Variants in NPAT observed in about 807,000 individuals in gnomAD.
NPAT encodes nuclear protein, coactivator of histone transcription.
A neutral mutation model predicts 130.7 loss-of-function variants in NPAT; 52 were observed. That is an observed-to-expected ratio of 0.40 (90% CI 0.32 to 0.50). The LOEUF is 0.50. NPAT is among the 20% of genes least tolerant of loss of function. NPAT has a pLI of 0.68. For missense variants in NPAT, 1,687 were observed against 1,662.6 expected (o/e 1.01, Z -0.26); for synonymous variants, 580 against 584.8 (o/e 0.99, Z 0.12).
rs190984734 is a variant in NPAT, at chr11:108,216,827, C to A, written c.37+5673G>T. ...ATTATCTTCTGCTCTTAACAACATG[C>A]CCCAACTTTGGCAATCTTGAGTTCT... On this transcript the variant is annotated intron_variant, in intron 1 of 17. Coordinates refer to ENST00000278612, the MANE Select transcript of NPAT (RefSeq NM_002519.3). 1.8e-3 allele frequency among the ~76,000 whole-genome samples: 271 copies of A among 152,200 alleles called. 2 individuals carry two copies. Among genetic ancestry groups the A allele is most frequent in the African/African-American group, 6.3e-3 (261 of 41,534 alleles).
At position 108,161,859 on chromosome 11, in the gene NPAT, G is replaced by A. The variant is rs574403547; in HGVS notation, c.3227C>T (p.Thr1076Met). The A allele has an allele frequency of 8.7e-6, 14 of 1,614,056 alleles. No homozygotes were observed. Among genetic ancestry groups the A allele is most frequent in the South Asian group, 4.4e-5 (4 of 91,074 alleles). ...CACCATCTTATGGTTTGGCCCCTGC[G>A]TATTTGCCACAGGAGCAGTAGTGCT... ...FDSTTAPVAN[T>M]QGPNHKMVSQ... Residue 1076 changes from threonine to methionine, a missense_variant, in exon 17 of 18, where the codon ACG becomes ATG. Thr to Met is a moderately conservative substitution (Grantham distance 81, BLOSUM62 -1). This residue lies in a region of NPAT where 1,379 missense variants were observed against 1,346.6 expected (regional missense o/e 1.02). Coordinates refer to ENST00000278612, the MANE Select transcript of NPAT (RefSeq NM_002519.3).
intron 2 of NPAT, among the ~76,000 whole-genome samples, chr11:108,194,937 T>C (rs1014665475): frequency 1.8e-4 from 27 of 152,022 alleles, no homozygotes; most frequent in African/African-American, 6.3e-4. Flanking sequence ...GATTCTCCTG[T>C]CTCAGCCTCC....
chr11:108,169,147 G>A (rs2134830093), intron 15 of NPAT, among the ~76,000 whole-genome samples: 1 of 152,192 alleles, frequency 6.6e-6, no homozygotes, highest in East Asian at 1.9e-4. Context: ...AAGAAGGAGA[G>A]GAAAATGTGT....
chr11:108,208,139 A>G (rs965477919), intron 1 of NPAT, among the ~76,000 whole-genome samples: 5 of 152,210 alleles, frequency 3.3e-5, no homozygotes, highest in Admixed American at 6.5e-5. Context: ...TAATCTGAAA[A>G]TCTGAAATGC....
rs2078108876 is a variant in NPAT, at chr11:108,186,464, T to C, written c.726+18A>G. 6.2e-7 allele frequency: 1 copy of C among 1,601,830 alleles called. No individual in the cohort carries two copies. Among genetic ancestry groups the C allele is most frequent in the African/African-American group, 1.3e-5 (1 of 74,680 alleles). On this transcript the variant is annotated intron_variant, in intron 8 of 17. Coordinates refer to ENST00000278612, the MANE Select transcript of NPAT (RefSeq NM_002519.3). The stretch of plus-strand genomic sequence containing the variant: ...CTCAGGAATATTTTAAGTTGCAAAG[T>C]TTGGCAGAGTCACTTACTTTTTCTA...
At chr11:108,167,089 T>C (rs1015250435) in intron 15 of NPAT, among the ~76,000 whole-genome samples, 1 of 152,228 alleles carries the variant, frequency 6.6e-6, no homozygotes, top group African/African-American at 2.4e-5. Context: ...TAATTAACCA[T>C]ACCTGGCAAC....
At chr11:108,165,470 A>T (rs56789301) in intron 15 of NPAT, among the ~76,000 whole-genome samples, 14,348 of 117,500 alleles carry the variant, frequency 0.12, 929 homozygotes, top group African/African-American at 0.21. Flanking sequence ...ATATATATAT[A>T]TATTTTTTTT....
chr11:108,172,185 G>T lies in NPAT; in HGVS notation c.2785+14C>A. 6.2e-7 allele frequency: 1 copy of T among 1,609,306 alleles called. No individual in the cohort carries two copies. The highest frequency in any genetic ancestry group is 8.5e-7 in the Non-Finnish European group (1 of 1,175,634). ...ACCCAGAGAAACAAATTTCAATTAT[G>T]TTATTAAAGTTACCTTGTGAAAAGT... is the stretch of plus-strand genomic sequence containing the variant. On this transcript the variant is annotated intron_variant, in intron 13 of 17. Transcript: ENST00000278612.
At chr11:108,213,839 T>C (rs2078407616) in intron 1 of NPAT, among the ~76,000 whole-genome samples, 1 of 152,134 alleles carries the variant, frequency 6.6e-6, no homozygotes, top group Non-Finnish European at 1.5e-5. Flanking sequence ...ATCCAGACCT[T>C]TCTTATTTAT....
At chr11:108,205,969 G>A (rs900732520) in intron 1 of NPAT, among the ~76,000 whole-genome samples, 6 of 152,144 alleles carry the variant, frequency 3.9e-5, no homozygotes, top group African/African-American at 1.2e-4. Flanking sequence ...CTCTTGAACT[G>A]GGGAGGCAGA....
At chr11:108,210,370 T>C (rs2078373054) in intron 1 of NPAT, among the ~76,000 whole-genome samples, 1 of 152,134 alleles carries the variant, frequency 6.6e-6, no homozygotes, top group Non-Finnish European at 1.5e-5. Context: ...GTGCTATCCT[T>C]GAGATAGTCA....
intron 5 of NPAT, among the ~76,000 whole-genome samples, chr11:108,189,909 T>C (rs941398877): frequency 6.6e-6 from 1 of 150,866 alleles, no homozygotes; most frequent in Non-Finnish European, 1.5e-5. Context: ...CCTGAACTTA[T>C]GAAATGAGAA....
chr11:108,184,015 A>C (rs1354167583), intron 10 of NPAT, among the ~76,000 whole-genome samples: 1 of 152,016 alleles, frequency 6.6e-6, no homozygotes, highest in African/African-American at 2.4e-5. Flanking sequence ...ACATGAACAA[A>C]TCTTAAAACA....
At chr11:108,200,122 C>T (rs1472484636) in intron 1 of NPAT, among the ~76,000 whole-genome samples, 1 of 152,198 alleles carries the variant, frequency 6.6e-6, no homozygotes, top group African/African-American at 2.4e-5. Flanking sequence ...GGTTATTTCC[C>T]TCAGGCAACT....
Position 108,173,636 on chromosome 11 carries a change from A to C in NPAT, c.1348T>G (p.Leu450Val), listed in dbSNP as rs190316520. The C allele has an allele frequency of 1.3e-5, 21 of 1,614,180 alleles. No individual in the cohort carries two copies. The East Asian group carries it at 4.5e-4, about 34-fold the overall frequency. ...IDITFESVPN[L>V]NDFNQRGNSN... ...TTCCCTCTTTGGTTAAAGTCATTCA[A>C]ATTAGGCACGGACTCAAAGGTAATG... Residue 450 changes from leucine to valine, a missense_variant, in exon 13 of 18, where the codon TTG (leucine) becomes GTG (valine). Leu to Val is a conservative substitution (Grantham distance 32). This residue lies in a region of NPAT where 1,379 missense variants were observed against 1,346.6 expected (regional missense o/e 1.02). Coordinates refer to ENST00000278612, the MANE Select transcript of NPAT (RefSeq NM_002519.3).
At chr11:108,207,594 C>T (rs750629553) in intron 1 of NPAT, among the ~76,000 whole-genome samples, 1 of 152,266 alleles carries the variant, frequency 6.6e-6, no homozygotes, top group Non-Finnish European at 1.5e-5. Flanking sequence ...CCCTAGTGTG[C>T]ACACACCCAG....
chr11:108,209,506 C>A (rs143821968), intron 1 of NPAT, among the ~76,000 whole-genome samples: 5 of 152,050 alleles, frequency 3.3e-5, no homozygotes, highest in Non-Finnish European at 7.4e-5. Context: ...GAACTATGAT[C>A]GCGCCACTGC....
intron 17 of NPAT, among the ~76,000 whole-genome samples, chr11:108,160,566 TTC>T (rs1491251850): frequency 1.0e-4 from 11 of 110,436 alleles, no homozygotes; most frequent in Non-Finnish European, 2.0e-4. Context: ...GAAAAACTTT[TTC>T]TTTTCCCCCG....
intron 10 of NPAT, among the ~76,000 whole-genome samples, chr11:108,177,494 G>T (rs2078020251): frequency 6.6e-6 from 1 of 152,124 alleles, no homozygotes; most frequent in East Asian, 1.9e-4. Flanking sequence ...AAAATAATTA[G>T]CAGACACTCG....
Sources: allele counts gnomAD v4.1 joint callset (sites outside exome capture counted in the v4.1 genomes callset), GRCh38; gene constraint gnomAD v4.1.1; regional missense constraint gnomAD v4.1.1; transcripts MANE v1.5; gene names NCBI Gene and HGNC (gene_info 2026-07-23, HGNC 2026-07-21).